Variants in HK2 observed in about 807,000 individuals in gnomAD.
HK2 encodes hexokinase 2.
HK2 carries 42 observed loss-of-function variants against 92.9 expected under a neutral mutation model. That is an observed-to-expected ratio of 0.45 (90% CI 0.35 to 0.58). The LOEUF is 0.58. HK2 is among the 20% of genes least tolerant of loss of function. The probability of loss-of-function intolerance (pLI) is 0.00; values close to 1 mark genes in which losing one functional copy is unlikely to be tolerated. For synonymous variants in HK2, 422 were observed against 468.0 expected, an observed-to-expected ratio of 0.90 and a Z score of 1.27; for missense variants, 978 against 1,245.1, an observed-to-expected ratio of 0.79 and a Z score of 3.23.
At chr2:74,881,022 A>G (rs1689378283) in intron 10 of HK2, among the ~76,000 whole-genome samples, 2 of 152,152 alleles carry the variant, frequency 1.3e-5, no homozygotes, top group African/African-American at 4.8e-5. Flanking sequence ...TTGGCAAACT[A>G]TGGCCCATGG....
At chr2:74,841,604 A>G (rs1420288338) in intron 1 of HK2, among the ~76,000 whole-genome samples, 1 of 152,170 alleles carries the variant, frequency 6.6e-6, no homozygotes, top group Admixed American at 6.5e-5. Flanking sequence ...GGCTTCTACA[A>G]AAGACGAACT....
chr2:74,868,626 G>A (rs990106253), intron 3 of HK2, among the ~76,000 whole-genome samples: 3 of 152,076 alleles, frequency 2.0e-5, no homozygotes, highest in Non-Finnish European at 2.9e-5. Flanking sequence ...GTCACTTTCT[G>A]TGGCTAGTAA....
At chr2:74,835,041 T>C (rs1688121696) in intron 1 of HK2, 1 of 295,382 alleles carries the variant, frequency 3.4e-6, no homozygotes, top group South Asian at 3.2e-5. Context: ...GAATCGTGGC[T>C]GCGGGAGGCT....
chr2:74,889,421 T>C lies in HK2; in HGVS notation c.2552T>C (p.Leu851Pro). The stretch of plus-strand genomic sequence containing the variant: ...GACAGGATACGAGAAAACCGTGGGC[T>C]GGACGCTCTCAAAGTGACAGTGGGT... The part of the protein sequence containing the change: ...VVDRIRENRG[L>P]DALKVTVGVD... The change falls in exon 17 of 18, where the codon CTG (leucine) becomes CCG (proline). Residue 851 changes from leucine (L) to proline (P), a missense_variant. Physicochemically the swap from Leu to Pro is moderately conservative, Grantham distance 98 (BLOSUM62 -3). Around this residue, in one of 3 missense-constraint regions of HK2, gnomAD observed 742 missense variants for 922.5 expected, o/e 0.80. Transcript: ENST00000290573. The C allele has an allele frequency of 6.2e-7, 1 of 1,614,062 alleles. No individual in the cohort carries two copies.
intron 1 of HK2, among the ~76,000 whole-genome samples, chr2:74,851,272 G>T (rs1166192647): frequency 6.6e-6 from 1 of 152,208 alleles, no homozygotes; most frequent in African/African-American, 2.4e-5. Context: ...TGGAGAACAG[G>T]TCAGGAAAGC....
chr2:74,887,661 T>C (rs1186866600), intron 15 of HK2, among the ~76,000 whole-genome samples: 2 of 151,938 alleles, frequency 1.3e-5, no homozygotes, highest in African/African-American at 4.8e-5. Flanking sequence ...TTCCAAGGCT[T>C]ATTTCCCCAG....
rs1689538466 is a variant in HK2, at chr2:74,886,394, G to T, written c.2035+1G>T. On this transcript the variant is annotated splice_donor_variant, in intron 14 of 17. Coordinates refer to ENST00000290573, the MANE Select transcript of HK2 (RefSeq NM_000189.5). LOFTEE classifies it high-confidence loss of function. ...CACTGTGAAGTTGGCCTCATTGTTG[G>T]TAAGGACCCAGACTGTCCTTTCCAC... 1 of 1,613,998 alleles carries T rather than the reference G, an allele frequency of 6.2e-7. No individual in the cohort carries two copies. The highest frequency in any genetic ancestry group is 8.5e-7 in the Non-Finnish European group (1 of 1,180,000).
intron 3 of HK2, among the ~76,000 whole-genome samples, chr2:74,871,960 G>A (rs942411414): frequency 5.9e-5 from 9 of 152,210 alleles, no homozygotes; most frequent in East Asian, 5.8e-4. Flanking sequence ...TCTGTTCCCC[G>A]GGCATGAAGT....
chr2:74,853,253 G>A (rs532863217), intron 1 of HK2, among the ~76,000 whole-genome samples: 34 of 151,996 alleles, frequency 2.2e-4, no homozygotes, highest in African/African-American at 5.1e-4. Context: ...GTGGTGGCTC[G>A]CTCCTTTAAT....
Position 74,878,893 on chromosome 2 carries a change from G to A in HK2, c.1237G>A (p.Asp413Asn), listed in dbSNP as rs768495060. The A allele has an allele frequency of 5.8e-6, 9 of 1,551,410 alleles. No individual in the cohort carries two copies. Among genetic ancestry groups the A allele is most frequent in the African/African-American group, 2.7e-5 (2 of 73,068 alleles). The change falls in exon 9 of 18, where the codon GAC (aspartate) becomes AAC (asparagine). Residue 413 changes from aspartate (D) to asparagine (N), a missense_variant. By Grantham distance (23) the Asp-to-Asn change is conservative. Coordinates refer to ENST00000290573, the MANE Select transcript of HK2 (RefSeq NM_000189.5). ...EERLRSTIGVDGSVYKKHPHF... is the reference protein window; with the variant it reads ...EERLRSTIGVNGSVYKKHPHF... ...GCGGCTGCGCTCTACTATTGGGGTC[G>A]ACGGTTCCGTCTACAAGAAACACCC...
intron 7 of HK2, among the ~76,000 whole-genome samples, 164 bp from the exon 8 acceptor site, chr2:74,876,999 CCAG>C (rs1689248575): frequency 6.6e-6 from 1 of 152,224 alleles, no homozygotes; most frequent in Non-Finnish European, 1.5e-5. Context: ...ACAACCCAAG[CCAG>C]CCCCTCTGAG....
At chr2:74,880,226 C>A in intron 9 of HK2, 39 bp from the exon 10 acceptor site, 1 of 1,610,240 alleles carries the variant, frequency 6.2e-7, no homozygotes, top group Non-Finnish European at 8.5e-7. Context: ...TGACCCTAAC[C>A]ATGGACACCT....
At chr2:74,835,222 C>T (rs1351906049) in intron 1 of HK2, 1 of 172,512 alleles carries the variant, frequency 5.8e-6, no homozygotes, top group African/African-American at 2.4e-5. Flanking sequence ...CGCGCCCCCT[C>T]CCCGGAACTG....
At chr2:74,876,972 C>A (rs1031289099) in intron 7 of HK2, among the ~76,000 whole-genome samples, 194 bp from the exon 8 acceptor site, 1 of 152,204 alleles carries the variant, frequency 6.6e-6, no homozygotes, top group Non-Finnish European at 1.5e-5. Context: ...TAGGTCAAGG[C>A]CCATCAGCCT....
chr2:74,860,560 A>T (rs2103910075), intron 2 of HK2, among the ~76,000 whole-genome samples: 1 of 152,022 alleles, frequency 6.6e-6, no homozygotes, highest in South Asian at 2.1e-4. Flanking sequence ...ATAATGTGGG[A>T]TTTATCTGTG....
At chr2:74,853,970 A>G (rs1688632448) in intron 1 of HK2, among the ~76,000 whole-genome samples, 1 of 152,080 alleles carries the variant, frequency 6.6e-6, no homozygotes, top group East Asian at 1.9e-4. Flanking sequence ...GATGAGGGTA[A>G]TGAACCCTGG....
intron 13 of HK2, 31 bp from the exon 14 acceptor site, chr2:74,886,263 G>A (rs1301010292): frequency 6.5e-7 from 1 of 1,537,704 alleles, no homozygotes; most frequent in Non-Finnish European, 9.0e-7. Context: ...GGGTTCACCT[G>A]TGAACTGGGC....
At chr2:74,872,112 C>T (rs1689112216) in intron 3 of HK2, among the ~76,000 whole-genome samples, 188 bp from the exon 4 acceptor site, 1 of 152,198 alleles carries the variant, frequency 6.6e-6, no homozygotes, top group Admixed American at 6.5e-5. Context: ...CTCATGTACT[C>T]CTTTTCATAA....
intron 3 of HK2, 92 bp from the exon 4 acceptor site, chr2:74,872,208 T>C: frequency 7.5e-7 from 1 of 1,334,156 alleles, no homozygotes; most frequent in East Asian, 2.3e-5. Flanking sequence ...TTGCACACAT[T>C]CAGCTAGTTA....
Sources: gnomAD v4.1 joint callset for allele counts (sites outside exome capture counted in the v4.1 genomes callset) on GRCh38, gnomAD v4.1.1 for gene constraint, gnomAD v4.1.1 regional missense constraint, MANE v1.5 for transcripts, NCBI Gene and HGNC (gene_info 2026-07-23, HGNC 2026-07-21) for gene names.